The following MROH2B variants were observed in gnomAD, a reference collection of about 807,000 sequenced individuals.
MROH2B encodes maestro heat like repeat family member 2B, also known as maestro heat-like repeat-containing protein family member 2B.
A neutral mutation model predicts 208.6 loss-of-function variants in MROH2B; 177 were observed. The observed-to-expected ratio is 0.85, with a 90% CI of 0.75 to 0.96. The LOEUF is 0.96. Among genes scored for constraint, MROH2B ranks in the 40% least tolerant of loss-of-function variants. MROH2B has a pLI of 0.00. For synonymous variants in MROH2B, 728 were observed against 659.0 expected, an observed-to-expected ratio of 1.10 and a Z score of -1.60; for missense variants, 2,002 against 1,878.7, an observed-to-expected ratio of 1.07 and a Z score of -1.21.
At chr5:41,000,535 A>G (rs1176761799) in intron 38 of MROH2B, 143 bp downstream of exon 38, 1 of 1,329,150 alleles carries the variant, frequency 7.5e-7, no homozygotes, top group Non-Finnish European at 1.0e-6. Flanking sequence ...AGTAAGAAGA[A>G]CCTAGAATTG....
At chr5:41,013,566 G>A (rs977748219) in intron 29 of MROH2B, among the ~76,000 whole-genome samples, 1 of 152,170 alleles carries the variant, frequency 6.6e-6, no homozygotes, top group Non-Finnish European at 1.5e-5. Context: ...ATGATATTGA[G>A]AAAATATGAA....
chr5:41,033,415 A>G (rs900068973), intron 22 of MROH2B, among the ~76,000 whole-genome samples: 12 of 152,136 alleles, frequency 7.9e-5, no homozygotes, highest in Non-Finnish European at 1.5e-4. Context: ...CATAAACAAC[A>G]GTAGGAAACA....
intron 7 of MROH2B, among the ~76,000 whole-genome samples, chr5:41,057,638 C>A (rs1743504128): frequency 7.3e-6 from 1 of 136,984 alleles, no homozygotes. Flanking sequence ...TTCACTGTAA[C>A]CTCCGCCTCT....
chr5:41,033,912 G>A (rs376315101), intron 21 of MROH2B, 48 bp from the exon 22 acceptor site: 9 of 1,547,466 alleles, frequency 5.8e-6, no homozygotes, highest in Non-Finnish European at 7.9e-6. Context: ...GTGGCATTGA[G>A]AGATATACCC....
At chr5:41,004,317 G>T (rs756805960) in intron 37 of MROH2B, 29 bp downstream of exon 37, 23 of 1,604,294 alleles carry the variant, frequency 1.4e-5, no homozygotes, top group Non-Finnish European at 1.9e-5. Flanking sequence ...CACTTCTGGG[G>T]AGGGAAGTTC....
rs564786153 is a variant in MROH2B, at chr5:41,041,726, A to G, written c.1953+366T>C. 5.3e-5 allele frequency among the ~76,000 whole-genome samples: 8 copies of G among 152,334 alleles called. No individual in the cohort carries two copies. In the East Asian group the frequency reaches 1.5e-3, roughly 29 times the overall value. On this transcript the variant is annotated intron_variant, in intron 19 of 41. Coordinates refer to ENST00000399564, the MANE Select transcript of MROH2B (RefSeq NM_173489.5). ...TGGTAGGAAGTAAGTAGAGCTTTGC[A>G]GAAGCACTTTAGGTTATCTTTACAT...
chr5:41,010,396 A>G (rs1741737251), intron 30 of MROH2B, among the ~76,000 whole-genome samples: 2 of 152,224 alleles, frequency 1.3e-5, no homozygotes, highest in Non-Finnish European at 2.9e-5. Flanking sequence ...AAGAATATCA[A>G]TCATAGACCT....
intron 21 of MROH2B, 23 bp downstream of exon 21, chr5:41,038,713 G>A: frequency 6.3e-7 from 1 of 1,579,994 alleles, no homozygotes; most frequent in Admixed American, 1.8e-5. Flanking sequence ...TAGAAATGGA[G>A]GCAGCCATGC....
Position 41,038,817 on chromosome 5 carries a change from A to G in MROH2B, c.2133T>C (p.His711=). The G allele has an allele frequency of 6.2e-7, 1 of 1,613,736 alleles. No homozygotes were observed. The highest frequency in any genetic ancestry group is 8.5e-7 in the Non-Finnish European group (1 of 1,179,740). Residue 711 remains histidine (H), a synonymous_variant, in exon 21 of 42, where the codon CAT becomes CAC. Transcript: ENST00000399564. The part of the protein sequence containing the change: ...VMVIYGAVAL[H]APKKQLLSRL... ...TGGAGAGAAGTTGCTTCTTGGGAGC[A>G]TGGAGGGCCACTGCTCCATAGATGA...
chr5:41,041,827 T>C (rs181195233), intron 19 of MROH2B, among the ~76,000 whole-genome samples: 4 of 152,332 alleles, frequency 2.6e-5, no homozygotes, highest in Admixed American at 2.0e-4. Flanking sequence ...CTCACAATCA[T>C]GCTCTAAGTC....
intron 5 of MROH2B, 123 bp from the exon 6 acceptor site, chr5:41,061,847 A>G: frequency 9.3e-7 from 1 of 1,073,722 alleles, no homozygotes. Context: ...TGATCTTACG[A>G]CTGCATCAAA....
chr5:41,023,142 C>T (rs1742217854), intron 24 of MROH2B, among the ~76,000 whole-genome samples: 1 of 152,144 alleles, frequency 6.6e-6, no homozygotes, highest in Admixed American at 6.5e-5. Context: ...GCGCTCTCCC[C>T]CTCCAAAGGA....
intron 24 of MROH2B, among the ~76,000 whole-genome samples, chr5:41,026,259 G>A (rs1298170672): frequency 6.6e-6 from 1 of 152,192 alleles, no homozygotes; most frequent in African/African-American, 2.4e-5. Flanking sequence ...CCTGTTTGCA[G>A]ATGACATGAT....
chr5:40,999,848 G>C, intron 39 of MROH2B, 69 bp from the exon 40 acceptor site: 2 of 1,424,056 alleles, frequency 1.4e-6, no homozygotes, highest in South Asian at 2.5e-5. Context: ...GCATCCTATA[G>C]GTCCTCAGAA....
At chr5:41,034,830 A>G (rs865865010) in intron 21 of MROH2B, among the ~76,000 whole-genome samples, 1 of 152,082 alleles carries the variant, frequency 6.6e-6, no homozygotes, top group Non-Finnish European at 1.5e-5. Context: ...AGTCAAATCA[A>G]GAACATAATC....
At position 41,039,546 on chromosome 5, in the gene MROH2B, ATGT is replaced by A. The variant is rs762797365; in HGVS notation, c.1960_1962del (p.Thr654del). On this transcript the variant is annotated inframe_deletion, in exon 20 of 42. Coordinates refer to ENST00000399564, the MANE Select transcript of MROH2B (RefSeq NM_173489.5). ...TTCTCGGCACAGTATCCTAAAATAG[ATGT>A]TATTCCCTAAAATCAGAAAAGGTAT... 2 of 1,582,168 alleles carry A rather than the reference ATGT, an allele frequency of 1.3e-6. No homozygotes were observed. The highest frequency in any genetic ancestry group is 2.3e-5 in the South Asian group (2 of 85,824).
At chr5:41,018,525 G>T in intron 26 of MROH2B, 95 bp from the exon 27 acceptor site, 1 of 1,460,598 alleles carries the variant, frequency 6.8e-7, no homozygotes, top group African/African-American at 1.4e-5. Context: ...TTTGTAACAC[G>T]GTGCTCACCT....
At chr5:41,018,556 T>G in intron 26 of MROH2B, 126 bp from the exon 27 acceptor site, 1 of 1,412,528 alleles carries the variant, frequency 7.1e-7, no homozygotes, top group Non-Finnish European at 9.7e-7. Flanking sequence ...AATTTTTAAG[T>G]AGATGGCTGT....
intron 34 of MROH2B, among the ~76,000 whole-genome samples, chr5:41,006,377 T>G (rs544541588): frequency 6.6e-6 from 1 of 152,178 alleles, no homozygotes; most frequent in Non-Finnish European, 1.5e-5. Context: ...AGAATAATTT[T>G]TCACTCTTGG....
Sources: allele counts gnomAD v4.1 joint callset (sites outside exome capture counted in the v4.1 genomes callset), GRCh38; gene constraint gnomAD v4.1.1; transcripts MANE v1.5; gene names NCBI Gene and HGNC (gene_info 2026-07-23, HGNC 2026-07-21).